PCDHGB2: variants seen among roughly 807,000 people sequenced by gnomAD.
The protein encoded by PCDHGB2 is protocadherin gamma subfamily B, 2.
A neutral mutation model predicts 59.3 loss-of-function variants in PCDHGB2; 55 were observed. That is an observed-to-expected ratio of 0.93 (90% CI 0.75 to 1.16). PCDHGB2 has a LOEUF of 1.16. Ranked by LOEUF, PCDHGB2 falls within the 50% of genes most tolerant of loss-of-function variation. The pLI is 0.00. For missense variants in PCDHGB2, 1,228 were observed against 1,198.5 expected (o/e 1.02, Z -0.36); for synonymous variants, 516 against 512.0 (o/e 1.01, Z -0.11).
chr5:141,478,347 C>T, intron 1 of PCDHGB2: 2 of 1,613,802 alleles, frequency 1.2e-6, no homozygotes, highest in Non-Finnish European at 1.7e-6. Context: ...TCCTTGCACG[C>T]GGACGCCGTG....
In PCDHGB2 at chr5:141,365,655, T is replaced by C. The variant is rs759352758; in HGVS notation, c.2421+3099T>C. On this transcript the variant is annotated intron_variant, in intron 1 of 3. Coordinates refer to ENST00000522605, the MANE Select transcript of PCDHGB2 (RefSeq NM_018923.3). ...ACAGAAAGCCACATCCCCTTGAAAGTAGCAGACGTTAATGACAACCCACCC... is the reference window on the plus strand; with the variant it reads ...ACAGAAAGCCACATCCCCTTGAAAGCAGCAGACGTTAATGACAACCCACCC... 8.7e-6 allele frequency: 14 copies of C among 1,613,386 alleles called. No individual in the cohort carries two copies. Among genetic ancestry groups the C allele is most frequent in the African/African-American group, 4.0e-5 (3 of 74,886 alleles).
In PCDHGB2 at chr5:141,432,872, C is replaced by G; in HGVS notation, c.2422-61935C>G. 4 of 1,614,192 alleles carry G rather than the reference C, an allele frequency of 2.5e-6. No individual in the cohort carries two copies. The highest frequency in any genetic ancestry group is 3.4e-6 in the Non-Finnish European group (4 of 1,180,018). ...GGTGGCCGCGGTCTCCTGCGTCTTCCTGGCCTTCGTCATCTTGCTGCTGGC... is the reference window on the plus strand; with the variant it reads ...GGTGGCCGCGGTCTCCTGCGTCTTCGTGGCCTTCGTCATCTTGCTGCTGGC... On this transcript the variant is annotated intron_variant, in intron 1 of 3. Coordinates refer to ENST00000522605, the MANE Select transcript of PCDHGB2 (RefSeq NM_018923.3). The surrounding 1 kb of genome is among the most constrained non-coding windows in gnomAD (Gnocchi z 6.0).
At chr5:141,394,549 C>T in intron 1 of PCDHGB2, 1 of 1,614,140 alleles carries the variant, frequency 6.2e-7, no homozygotes, top group Non-Finnish European at 8.5e-7. Flanking sequence ...GAGCTGGCGC[C>T]CCGCTCCGCA....
At position 141,426,439 on chromosome 5, in the gene PCDHGB2, G is replaced by C. The variant is rs149215795; in HGVS notation, c.2421+63883G>C. On this transcript the variant is annotated intron_variant, in intron 1 of 3. Transcript: ENST00000522605. ...GGGCTCCGTGGTGGGGAACCTTGCG[G>C]AGGACATGCGGCTGCATGTTCAGGA... 7.8e-4 allele frequency: 237 copies of C among 302,398 alleles called. 1 individual carries two copies. The highest frequency in any genetic ancestry group is 4.6e-3 in the African/African-American group (214 of 46,260). The allele number at this position is 302,398 out of a possible 1,614,324, so 18.7% of individuals were successfully genotyped here.
intron 1 of PCDHGB2, among the ~76,000 whole-genome samples, chr5:141,461,536 T>C (rs1424913303): frequency 1.3e-5 from 2 of 152,240 alleles, no homozygotes; most frequent in Non-Finnish European, 2.9e-5. Context: ...TTCTGGATAC[T>C]AGTCCTTTGT....
intron 1 of PCDHGB2, chr5:141,377,681 T>C (rs1458996309): frequency 6.6e-6 from 1 of 152,182 alleles, no homozygotes; most frequent in Non-Finnish European, 1.5e-5. Flanking sequence ...ACAAGAGATC[T>C]TTCACCTTTA....
At chr5:141,388,913 A>T in intron 1 of PCDHGB2, 1 of 1,614,040 alleles carries the variant, frequency 6.2e-7, no homozygotes, top group Non-Finnish European at 8.5e-7. Context: ...ACAACGCCCC[A>T]GAAGTGATAT....
chr5:141,390,264 G>C lies in PCDHGB2; in HGVS notation c.2421+27708G>C, dbSNP rs771554792. 18 of 1,614,004 alleles carry C rather than the reference G, an allele frequency of 1.1e-5. No individual in the cohort carries two copies. In the African/African-American group the frequency reaches 2.1e-4, roughly 19 times the overall value. Reference sequence around the variant, plus strand: ...CTTATTTCCACTTTGTAATTCCAGTGAATTGACTTCCCATCAGGTGAGTTT... The same window carrying C: ...CTTATTTCCACTTTGTAATTCCAGTCAATTGACTTCCCATCAGGTGAGTTT... On this transcript the variant is annotated intron_variant, in intron 1 of 3. Coordinates refer to ENST00000522605, the MANE Select transcript of PCDHGB2 (RefSeq NM_018923.3).
At chr5:141,380,830 A>T (rs1205839306) in intron 1 of PCDHGB2, among the ~76,000 whole-genome samples, 1 of 152,264 alleles carries the variant, frequency 6.6e-6, no homozygotes, top group Non-Finnish European at 1.5e-5. Flanking sequence ...ATTTTGAGGC[A>T]TCAGGTAAAA....
rs556484142 is a variant in PCDHGB2 at position 141,503,243 on chromosome 5, CA to C, written c.2481-2149del. On this transcript the variant is annotated intron_variant, in intron 2 of 3. Coordinates refer to ENST00000522605, the MANE Select transcript of PCDHGB2 (RefSeq NM_018923.3). ...CACCGTAAAGATGGACAGTTTCTAT[CA>C]TACTCACAGCCACAACCCCAGCACC... Among the ~76,000 whole-genome samples, 232 of 152,196 alleles carry C rather than the reference CA, an allele frequency of 1.5e-3. 2 individuals carry two copies. Among genetic ancestry groups the C allele is most frequent in the African/African-American group, 5.3e-3 (219 of 41,516 alleles).
intron 1 of PCDHGB2, chr5:141,371,150 A>G: frequency 1.2e-6 from 2 of 1,614,018 alleles, no homozygotes; most frequent in Non-Finnish European, 1.7e-6. Context: ...TCAATGTTGC[A>G]GAGAACCTGC....
rs770828917 is a variant in PCDHGB2 at position 141,431,306 on chromosome 5, C to G, written c.2422-63501C>G. ...GAACACTCACTTCTCCCTCATCGTG[C>G]AAAATGGAGCCGACGGTAGTAAGTA... On this transcript the variant is annotated intron_variant, in intron 1 of 3. Transcript: ENST00000522605. The surrounding 1 kb of genome is among the most constrained non-coding windows in gnomAD (Gnocchi z 4.8). 6.2e-7 allele frequency: 1 copy of G among 1,614,124 alleles called. No homozygotes were observed. The highest frequency in any genetic ancestry group is 2.2e-5 in the East Asian group (1 of 44,878).
At chr5:141,369,877 C>T (rs1191397409) in intron 1 of PCDHGB2, among the ~76,000 whole-genome samples, 2 of 152,018 alleles carry the variant, frequency 1.3e-5, no homozygotes, top group Non-Finnish European at 2.9e-5. Flanking sequence ...CTAGAGTAAG[C>T]AGAGAAGATA....
chr5:141,400,682 G>C (rs778099324), intron 1 of PCDHGB2: 10 of 835,140 alleles, frequency 1.2e-5, no homozygotes, highest in Non-Finnish European at 1.7e-5. Context: ...AGTAAATTGT[G>C]AGTTTTTATG....
chr5:141,413,711 A>G (rs752076648), intron 1 of PCDHGB2: 199 of 1,613,564 alleles, frequency 1.2e-4, no homozygotes, highest in Non-Finnish European at 1.4e-4. Context: ...CTCAGCCCCA[A>G]TAAGCACTTC....
chr5:141,438,623 TATATATATATATACAC>T (rs1207200307), intron 1 of PCDHGB2, among the ~76,000 whole-genome samples: 21 of 42,842 alleles, frequency 4.9e-4, no homozygotes, highest in South Asian at 2.6e-3. Flanking sequence ...TATATATATA[TATATATATATATACAC>T]ACACACACAC....
intron 1 of PCDHGB2, among the ~76,000 whole-genome samples, chr5:141,474,672 T>C (rs1203448521): frequency 2.0e-5 from 3 of 152,228 alleles, no homozygotes; most frequent in Non-Finnish European, 4.4e-5. Flanking sequence ...ACCTAACCTA[T>C]GTGCCTACCC....
intron 1 of PCDHGB2, among the ~76,000 whole-genome samples, chr5:141,438,872 G>T (rs13178044): frequency 0.11 from 16,734 of 151,118 alleles, 1,094 homozygotes; most frequent in African/African-American, 0.17. Flanking sequence ...CATCAAGTTG[G>T]CCAGGCTGCT....
At chr5:141,366,349 T>C in intron 1 of PCDHGB2, 1 of 1,613,938 alleles carries the variant, frequency 6.2e-7, no homozygotes, top group Non-Finnish European at 8.5e-7. Context: ...ACATCCTGGC[T>C]GACCTAGGCA....
Sources: allele counts gnomAD v4.1 joint callset (sites outside exome capture counted in the v4.1 genomes callset), GRCh38; gene constraint gnomAD v4.1.1; non-coding constraint Gnocchi (gnomAD v3.1); transcripts MANE v1.5; gene names NCBI Gene and HGNC (gene_info 2026-07-23, HGNC 2026-07-21).